Variants in UGT1A5 observed in about 807,000 individuals in gnomAD.
The protein encoded by UGT1A5 is UDP glucuronosyltransferase family 1 member A5.
A neutral mutation model predicts 40.3 loss-of-function variants in UGT1A5; 29 were observed. The observed-to-expected ratio is 0.72, with a 90% CI of 0.54 to 0.98. The LOEUF (loss-of-function observed/expected upper bound fraction) is 0.98. Ranked by LOEUF, UGT1A5 falls within the 50% of genes least tolerant of loss-of-function variation. UGT1A5 has a pLI of 0.00. For synonymous variants in UGT1A5, 257 were observed against 262.5 expected (o/e 0.98, Z 0.20); for missense variants, 678 against 677.9 (o/e 1.00, Z 0.00).
rs1699505482 is a variant in UGT1A5, at chr2:233,767,840, C to T, written c.1000-9C>T. The T allele has an allele frequency of 5.6e-6, 9 of 1,614,028 alleles. No homozygotes were observed. The highest frequency in any genetic ancestry group is 1.1e-5 in the South Asian group (1 of 91,070). ...TTTCTTTACGTTCTGCTCTTTTTGC[C>T]CCTCCCAGGTCCTGTGGCGGTACAC... On this transcript the variant is annotated splice_polypyrimidine_tract_variant and intron_variant, in intron 2 of 4. Coordinates refer to ENST00000373414, the MANE Select transcript of UGT1A5 (RefSeq NM_019078.2).
In UGT1A5 at chr2:233,755,308, G is replaced by A. The variant is rs1306203724; in HGVS notation, c.868-11726G>A. The A allele has an allele frequency of 1.8e-5, 10 of 564,374 alleles. No individual in the cohort carries two copies. The Admixed American group carries it at 2.0e-4, about 11-fold the overall frequency. The allele number at this position is 564,374 out of a possible 1,614,324, so 35.0% of individuals were successfully genotyped here. A position where few individuals can be genotyped will look rare whatever the true frequency, so the allele number is the denominator to read the frequency against. On this transcript the variant is annotated intron_variant, in intron 1 of 4. Coordinates refer to ENST00000373414, the MANE Select transcript of UGT1A5 (RefSeq NM_019078.2). ...AGAGCCTGCGGGGCACTGGCACAGCGAGCGGCAAGGCTGCCAGCACCCGCG... is the reference window on the plus strand; with the variant it reads ...AGAGCCTGCGGGGCACTGGCACAGCAAGCGGCAAGGCTGCCAGCACCCGCG...
rs763166349 is a variant in UGT1A5, at chr2:233,729,716, T to C, written c.867+15858T>C. On this transcript the variant is annotated intron_variant, in intron 1 of 4. Coordinates refer to ENST00000373414, the MANE Select transcript of UGT1A5 (RefSeq NM_019078.2). ...AACCCTTCCTCCTATATTCCTAGAT[T>C]ACTAACAACCAATTCAGACCACATG... 5.6e-6 allele frequency: 9 copies of C among 1,613,852 alleles called. No individual in the cohort carries two copies. The African/African-American group carries it at 9.3e-5, about 17-fold the overall frequency.
chr2:233,765,404 C>T (rs746281443), intron 1 of UGT1A5, among the ~76,000 whole-genome samples: 4 of 152,166 alleles, frequency 2.6e-5, no homozygotes, highest in Non-Finnish European at 2.9e-5. Flanking sequence ...GGTACATATA[C>T]ACCATGGAAT....
At chr2:233,715,374 C>CGT (rs2076448384) in intron 1 of UGT1A5, among the ~76,000 whole-genome samples, 1 of 152,106 alleles carries the variant, frequency 6.6e-6, no homozygotes, top group South Asian at 2.1e-4. Context: ...ATTTTCTTCA[C>CGT]AGTTTGCTGT....
At chr2:233,721,327 T>A (rs1446598744) in intron 1 of UGT1A5, among the ~76,000 whole-genome samples, 1 of 152,156 alleles carries the variant, frequency 6.6e-6, no homozygotes, top group Admixed American at 6.5e-5. Flanking sequence ...TTCTTGTGGT[T>A]TTTCACTATG....
chr2:233,760,912 C>A (rs72551343), intron 1 of UGT1A5: 1 of 1,614,188 alleles, frequency 6.2e-7, no homozygotes, highest in South Asian at 1.1e-5. Context: ...CTTCCTGCAG[C>A]GGGTGAAGAA....
chr2:233,750,021 A>C (rs894423402), intron 1 of UGT1A5, among the ~76,000 whole-genome samples: 1 of 151,886 alleles, frequency 6.6e-6, no homozygotes, highest in African/African-American at 2.4e-5. Context: ...AGAGTGGAGT[A>C]CTGCTATAAA....
chr2:233,761,011 G>T, intron 1 of UGT1A5: 1 of 1,614,156 alleles, frequency 6.2e-7, no homozygotes, highest in Non-Finnish European at 8.5e-7. Context: ...TCAGAGAGAG[G>T]TGACTGTCCA....
rs146146688 is a variant in UGT1A5 at position 233,719,081 on chromosome 2, G to T, written c.867+5223G>T. 1.8e-5 allele frequency: 29 copies of T among 1,614,132 alleles called. No individual in the cohort carries two copies. In the East Asian group the frequency reaches 3.3e-4, roughly 19 times the overall value. On this transcript the variant is annotated intron_variant, in intron 1 of 4. Transcript: ENST00000373414. ...CCTATGCTGTTCCATGGACCCAGAA[G>T]GAATTTGATCGCGTTACGCTGGGCT...
At chr2:233,717,810 ATGCAGCCCGTTCTGTTCTGGAGGAACCAT>A (rs1283928301) in intron 1 of UGT1A5, 9 of 455,784 alleles carry the variant, frequency 2.0e-5, no homozygotes, top group Non-Finnish European at 4.0e-5. Flanking sequence ...CCCACAAATT[ATGCAGCCCGTTCTGTTCTGGAGGAACCAT>A]TCTTATCAGA....
chr2:233,760,467 A>G (rs1444464587), intron 1 of UGT1A5: 1 of 1,614,232 alleles, frequency 6.2e-7, no homozygotes, highest in South Asian at 1.1e-5. Context: ...TAGTTGTCCT[A>G]GCACCTGACG....
intron 2 of UGT1A5, 41 bp downstream of exon 2, chr2:233,767,206 A>G: frequency 1.9e-6 from 3 of 1,613,184 alleles, no homozygotes; most frequent in Non-Finnish European, 2.5e-6. Context: ...CTATTTTCAC[A>G]GGAGCGCTAA....
rs1681915037 is a variant in UGT1A5 at position 233,713,066 on chromosome 2, G to C, written c.75G>C (p.Trp25Cys). The change falls in exon 1 of 5, where the codon TGG becomes TGC. Residue 25 changes from tryptophan to cysteine, a missense_variant. By Grantham distance (215) the Trp-to-Cys change is radical. Coordinates refer to ENST00000373414, the MANE Select transcript of UGT1A5 (RefSeq NM_019078.2). ...GLLLLLSVQP[W>C]AESGKVLVVP... ...TGCTTCTCCTCAGTGTCCAGCCCTG[G>C]GCTGAGAGTGGGAAGGTGCTGGTGG... The C allele has an allele frequency of 2.5e-6, 4 of 1,614,136 alleles. No homozygotes were observed. In the South Asian group the frequency reaches 4.4e-5, roughly 18 times the overall value.
At chr2:233,747,534 A>G in intron 1 of UGT1A5, 1 of 1,605,506 alleles carries the variant, frequency 6.2e-7, no homozygotes. Context: ...ACATTTTCTG[A>G]AGACATTTTC....
chr2:233,718,985 C>T (rs45571233), intron 1 of UGT1A5: 1 of 1,614,226 alleles, frequency 6.2e-7, no homozygotes, highest in East Asian at 2.2e-5. Flanking sequence ...ATGCCAGAGG[C>T]CACCAGGCGG....
intron 1 of UGT1A5, among the ~76,000 whole-genome samples, chr2:233,757,535 A>AATATATATACAT (rs376887521): frequency 1.6e-4 from 14 of 88,310 alleles, no homozygotes; most frequent in Middle Eastern, 5.7e-3. Flanking sequence ...GCCTGTAAGG[A>AATATATATACAT]ATATATATAT....
intron 2 of UGT1A5, 120 bp from the exon 3 acceptor site, chr2:233,767,729 C>T: frequency 1.3e-6 from 2 of 1,560,058 alleles, no homozygotes; most frequent in Middle Eastern, 1.7e-4. Flanking sequence ...GTTACTGATC[C>T]TCCCACTCTG....
At chr2:233,716,780 C>T (rs1189909178) in intron 1 of UGT1A5, among the ~76,000 whole-genome samples, 2 of 152,264 alleles carry the variant, frequency 1.3e-5, no homozygotes, top group Non-Finnish European at 2.9e-5. Context: ...GTCAGGCTTT[C>T]GGGATGCCTT....
At chr2:233,729,485 T>C in intron 1 of UGT1A5, 1 of 1,614,232 alleles carries the variant, frequency 6.2e-7, no homozygotes, top group Non-Finnish European at 8.5e-7. Context: ...TTGAACAATA[T>C]GTCTTTGGTC....
Sources: allele counts gnomAD v4.1 joint callset (sites outside exome capture counted in the v4.1 genomes callset), GRCh38; gene constraint gnomAD v4.1.1; transcripts MANE v1.5; gene names NCBI Gene and HGNC (gene_info 2026-07-23, HGNC 2026-07-21).